The following ZFYVE1 variants were observed in gnomAD, a reference collection of about 807,000 sequenced individuals.
ZFYVE1 encodes the protein zinc finger FYVE domain-containing protein 1.
Under a neutral mutation model 74.4 loss-of-function variants are expected in ZFYVE1, and 30 were observed. The ratio of observed to expected loss-of-function variants is 0.40; its 90% CI spans 0.30 to 0.55. ZFYVE1 has a LOEUF of 0.55. Ranked by LOEUF, ZFYVE1 falls within the 20% of genes least tolerant of loss-of-function variation. ZFYVE1 has a pLI of 0.42. For synonymous variants in ZFYVE1, 335 were observed against 385.1 expected (o/e 0.87, Z 1.52); for missense variants, 703 against 1,011.6 (o/e 0.69, Z 4.14).
chr14:73,022,290 T>C (rs1466640385), intron 2 of ZFYVE1, among the ~76,000 whole-genome samples: 5 of 152,204 alleles, frequency 3.3e-5, no homozygotes, highest in African/African-American at 9.7e-5. Flanking sequence ...ACAGGAATCA[T>C]GATGTAACTC....
intron 2 of ZFYVE1, among the ~76,000 whole-genome samples, chr14:72,998,526 G>GAAA (rs1893801650): frequency 6.7e-6 from 1 of 149,900 alleles, no homozygotes; most frequent in African/African-American, 2.5e-5. Context: ...GTGGCCAAAA[G>GAAA]AGCTAAAACT....
At chr14:73,007,378 C>T (rs1894002258) in intron 2 of ZFYVE1, among the ~76,000 whole-genome samples, 1 of 152,088 alleles carries the variant, frequency 6.6e-6, no homozygotes, top group Non-Finnish European at 1.5e-5. Context: ...CAACTACAAT[C>T]ATACATTACT....
chr14:72,979,012 C>T, intron 5 of ZFYVE1, 43 bp from the exon 6 acceptor site: 2 of 1,558,776 alleles, frequency 1.3e-6, no homozygotes, highest in Non-Finnish European at 1.8e-6. Flanking sequence ...GCTAAAGGAG[C>T]CAGTGCCACT....
chr14:72,998,916 C>T (rs1328784225), intron 2 of ZFYVE1, among the ~76,000 whole-genome samples: 4 of 150,942 alleles, frequency 2.7e-5, no homozygotes, highest in East Asian at 3.9e-4. Context: ...CCAGCCTGGG[C>T]AACATGGTGA....
intron 2 of ZFYVE1, among the ~76,000 whole-genome samples, chr14:73,003,529 T>C (rs10146125): frequency 6.6e-6 from 1 of 152,114 alleles, no homozygotes; most frequent in Non-Finnish European, 1.5e-5. Context: ...TTAAGCAACA[T>C]AGCAAGACCC....
chr14:72,972,712 T>C (rs1893065842), intron 11 of ZFYVE1, among the ~76,000 whole-genome samples: 1 of 150,016 alleles, frequency 6.7e-6, no homozygotes, highest in South Asian at 2.1e-4. Flanking sequence ...AAATCTTCTT[T>C]TTTTTTTTTT....
intron 11 of ZFYVE1, among the ~76,000 whole-genome samples, chr14:72,972,896 G>GAAT (rs1271807161): frequency 1.3e-5 from 2 of 151,932 alleles, no homozygotes; most frequent in African/African-American, 4.8e-5. Context: ...TTTCAGTAGA[G>GAAT]ACGGGTTTTC....
At chr14:73,008,223 G>A (rs1376805932) in intron 2 of ZFYVE1, among the ~76,000 whole-genome samples, 4 of 152,170 alleles carry the variant, frequency 2.6e-5, no homozygotes, top group Admixed American at 1.3e-4. Context: ...GCAATGGCAC[G>A]ATCTCGGCTC....
At chr14:72,992,632 C>T (rs1893647187) in intron 4 of ZFYVE1, among the ~76,000 whole-genome samples, 1 of 125,688 alleles carries the variant, frequency 8.0e-6, no homozygotes, top group Non-Finnish European at 1.7e-5. Flanking sequence ...CCGCCCCTTG[C>T]AAGAGAGAGA....
rs1893140127 is a variant in ZFYVE1, at chr14:72,975,334, A to C, written c.1806+217T>G. On this transcript the variant is annotated intron_variant, in intron 9 of 11. Transcript: ENST00000556143. The surrounding 1 kb of genome is among the most constrained non-coding windows in gnomAD (Gnocchi z 4.1). ...ACACACAAGGAAACTAAAACTCACC[A>C]AACAGAAAATACTTGCAGGAAAACA... 1.6e-6 allele frequency: 1 copy of C among 608,688 alleles called. No individual in the cohort carries two copies. The highest frequency in any genetic ancestry group is 2.9e-5 in the East Asian group (1 of 34,438). The allele number at this position is 608,688 out of a possible 1,614,324, so 37.7% of individuals were successfully genotyped here.
chr14:72,975,494 C>G lies in ZFYVE1; in HGVS notation c.1806+57G>C. The G allele has an allele frequency of 6.4e-7, 1 of 1,558,638 alleles. No homozygotes were observed. The highest frequency in any genetic ancestry group is 1.4e-5 in the African/African-American group (1 of 73,430). On this transcript the variant is annotated intron_variant, in intron 9 of 11. Coordinates refer to ENST00000556143, the MANE Select transcript of ZFYVE1 (RefSeq NM_021260.4). This position sits in a 1 kb window ranked among gnomAD's most constrained non-coding sequence, Gnocchi z 4.1. ...AGAACAAGCTTAGCACAGGGCAAAG[C>G]GGCATTAAGTAGGATGGGCTGTGCC...
At chr14:73,002,529 A>AC in intron 2 of ZFYVE1, among the ~76,000 whole-genome samples, 1 of 151,472 alleles carries the variant, frequency 6.6e-6, no homozygotes, top group East Asian at 1.9e-4. Context: ...TGCAACCTCC[A>AC]CCTCCTGGGT....
intron 3 of ZFYVE1, among the ~76,000 whole-genome samples, chr14:72,996,038 C>A: frequency 6.6e-6 from 1 of 152,140 alleles, no homozygotes; most frequent in African/African-American, 2.4e-5. Flanking sequence ...GTCAAGGCCA[C>A]CCATGATCTG....
At chr14:73,015,294 AAAGAAG>A in intron 2 of ZFYVE1, among the ~76,000 whole-genome samples, 1 of 63,164 alleles carries the variant, frequency 1.6e-5, no homozygotes, top group Non-Finnish European at 2.9e-5. Context: ...GGAAGGAAGG[AAAGAAG>A]GGAGGGAGGG....
At chr14:73,001,103 G>GC (rs1036882155) in intron 2 of ZFYVE1, among the ~76,000 whole-genome samples, 3 of 152,156 alleles carry the variant, frequency 2.0e-5, no homozygotes, top group African/African-American at 7.2e-5. Context: ...TGAATGCTAC[G>GC]CAAGACTGCA....
In ZFYVE1 at chr14:72,993,234, A is replaced by G. The variant is rs1167741357; in HGVS notation, c.1112T>C (p.Phe371Ser). ...CTCCAAAGCACGCCGAAGCCCAGAA[A>G]AGTCCGTGGGAGGGTTGTAAGTCCT... ...GTRTYNPPTDFSGLRRALEQL... is the reference protein window; with the variant it reads ...GTRTYNPPTDSSGLRRALEQL... The change falls in exon 4 of 12, where the codon TTT (phenylalanine) becomes TCT (serine). Residue 371 changes from phenylalanine to serine, a missense_variant. Coordinates refer to ENST00000556143, the MANE Select transcript of ZFYVE1 (RefSeq NM_021260.4). 9 of 1,613,874 alleles carry G rather than the reference A, an allele frequency of 5.6e-6. No individual in the cohort carries two copies. In the South Asian group the frequency reaches 6.6e-5, roughly 12 times the overall value.
In ZFYVE1 at chr14:72,993,254, A is replaced by C; in HGVS notation, c.1092T>G (p.Thr364=). ...CAGAAAAGTCCGTGGGAGGGTTGTA[A>C]GTCCTCGTTCCCTTGTAGTGAATGG... ...FSSIHYKGTR[T]YNPPTDFSGL... is the part of the protein sequence containing the mutation. Residue 364 remains threonine (T), a synonymous_variant, in exon 4 of 12, where the codon ACT becomes ACG. Coordinates refer to ENST00000556143, the MANE Select transcript of ZFYVE1 (RefSeq NM_021260.4). 1 of 1,613,866 alleles carries C rather than the reference A, an allele frequency of 6.2e-7. No individual in the cohort carries two copies. Among genetic ancestry groups the C allele is most frequent in the Non-Finnish European group, 8.5e-7 (1 of 1,179,984 alleles).
At chr14:72,995,019 G>A (rs952125060) in intron 3 of ZFYVE1, among the ~76,000 whole-genome samples, 4 of 152,166 alleles carry the variant, frequency 2.6e-5, no homozygotes, top group Non-Finnish European at 4.4e-5. Flanking sequence ...TTCAATAAAT[G>A]TATCGGTGAT....
chr14:73,003,054 C>CTTTTTTTTTTTTTTTTTT (rs201185010), intron 2 of ZFYVE1, among the ~76,000 whole-genome samples: 1 of 102,970 alleles, frequency 9.7e-6, no homozygotes, highest in South Asian at 3.4e-4. Flanking sequence ...TTTTTCTTTT[C>CTTTTTTTTTTTTTTTTTT]TTTTTTTTTT....
Sources: allele counts gnomAD v4.1 joint callset (sites outside exome capture counted in the v4.1 genomes callset), GRCh38; gene constraint gnomAD v4.1.1; non-coding constraint Gnocchi (gnomAD v3.1); transcripts MANE v1.5; gene names NCBI Gene and HGNC (gene_info 2026-07-23, HGNC 2026-07-21).